MTMR8: variants seen among roughly 807,000 people sequenced by gnomAD.
The protein encoded by MTMR8 is myotubularin related protein 8.
Under a neutral mutation model 39.3 loss-of-function variants are expected in MTMR8, and 65 were observed. The ratio of observed to expected loss-of-function variants is 1.65; its 90% confidence interval spans 1.35 to 2.03. The LOEUF (loss-of-function observed/expected upper bound fraction) is 2.03. MTMR8 is among the 30% of genes most tolerant of loss of function. MTMR8 has a pLI of 0.00. For synonymous variants in MTMR8, 245 were observed against 185.2 expected (o/e 1.32, Z -2.62); for missense variants, 777 against 538.9 (o/e 1.44, Z -4.37).
chrX:64,367,300 C>CA (rs1285551572), intron 1 of MTMR8, among the ~76,000 whole-genome samples: 2 of 111,449 alleles, frequency 1.8e-5, no homozygotes, highest in African/African-American at 6.5e-5. Flanking sequence ...GGCAGAGACA[C>CA]AACAAAAAAA....
At chrX:64,362,471 G>GAAAAAAAA (rs760545171) in intron 1 of MTMR8, among the ~76,000 whole-genome samples, 1 of 5,501 alleles carries the variant, frequency 1.8e-4, no homozygotes, top group Non-Finnish European at 3.6e-4. Flanking sequence ...TACTATTGCA[G>GAAAAAAAA]AAAAAAAAAA....
chrX:64,340,828 A>G (rs1345102466), intron 8 of MTMR8, among the ~76,000 whole-genome samples: 1 of 111,810 alleles, frequency 8.9e-6, no homozygotes, highest in Non-Finnish European at 1.9e-5. Context: ...ACATGATACA[A>G]AATCTATCAC....
chrX:64,321,725 C>T (rs1053532463), intron 12 of MTMR8, among the ~76,000 whole-genome samples: 1 of 111,846 alleles, frequency 8.9e-6, no homozygotes, highest in Non-Finnish European at 1.9e-5. Context: ...TACATATCTA[C>T]AAAGCTCAAT....
intron 1 of MTMR8, among the ~76,000 whole-genome samples, chrX:64,389,730 G>A (rs1924647437): frequency 8.9e-6 from 1 of 111,770 alleles, no homozygotes; most frequent in Non-Finnish European, 1.9e-5. Context: ...CTGATGGAGA[G>A]AGGAAAAAAC....
intron 6 of MTMR8, among the ~76,000 whole-genome samples, chrX:64,348,071 G>A (rs5964355): frequency 9.0e-6 from 1 of 110,945 alleles, no homozygotes; most frequent in Non-Finnish European, 1.9e-5. Flanking sequence ...TCTCTGGGAC[G>A]AAGATTTAAA....
rs779859844 is a variant in MTMR8 at position 64,302,326 on chromosome X, T to A, written c.1481+26446A>T. On this transcript the variant is annotated intron_variant, in intron 12 of 13. Coordinates refer to ENST00000374852, the MANE Select transcript of MTMR8 (RefSeq NM_017677.4). ...AATATTCGGGTTGGAGTGACCCAAT[T>A]TTCCAGGTGCGTCTGTCACCCCTTT... 7.1e-5 allele frequency among the ~76,000 whole-genome samples: 8 copies of A among 112,254 alleles called. No homozygotes were observed. In the South Asian group the frequency reaches 2.2e-3, roughly 31 times the overall value.
chrX:64,376,535 T>G (rs1001948174), intron 1 of MTMR8, among the ~76,000 whole-genome samples: 1 of 112,015 alleles, frequency 8.9e-6, no homozygotes, highest in African/African-American at 3.3e-5. Flanking sequence ...ATTGAGGGTA[T>G]GTGGCGGAAT....
intron 12 of MTMR8, among the ~76,000 whole-genome samples, chrX:64,308,402 C>A (rs2147207812): frequency 9.8e-6 from 1 of 102,466 alleles, no homozygotes; most frequent in East Asian, 3.0e-4. Flanking sequence ...ATCTCCTGAC[C>A]TCGTGATCCA....
intron 12 of MTMR8, among the ~76,000 whole-genome samples, chrX:64,320,215 T>C (rs538063274): frequency 9.0e-6 from 1 of 111,375 alleles, no homozygotes; most frequent in South Asian, 3.8e-4. Flanking sequence ...TATCTGCTAT[T>C]GGTGTACAAG....
intron 12 of MTMR8, among the ~76,000 whole-genome samples, chrX:64,283,937 G>A (rs146564004): frequency 2.2e-4 from 25 of 112,466 alleles, no homozygotes; most frequent in Middle Eastern, 4.6e-3. Flanking sequence ...CCAAAGGAAC[G>A]CAGCTCCTCA....
At chrX:64,271,531 T>C (rs1931760115) in intron 12 of MTMR8, among the ~76,000 whole-genome samples, 1 of 111,731 alleles carries the variant, frequency 9.0e-6, no homozygotes, top group Non-Finnish European at 1.9e-5. Flanking sequence ...TGGATAAGTA[T>C]GAAACCAACC....
intron 6 of MTMR8, among the ~76,000 whole-genome samples, chrX:64,345,601 G>A (rs1047285968): frequency 9.0e-6 from 1 of 111,355 alleles, no homozygotes; most frequent in African/African-American, 3.3e-5. Flanking sequence ...AGAACTTCAG[G>A]ATGAATTAAT....
At chrX:64,344,723 T>C in intron 7 of MTMR8, among the ~76,000 whole-genome samples, 1 of 111,730 alleles carries the variant, frequency 9.0e-6, no homozygotes, top group Non-Finnish European at 1.9e-5. Flanking sequence ...GAATCCCAAA[T>C]TTATTTAATA....
At chrX:64,366,859 C>A (rs1923977368) in intron 1 of MTMR8, among the ~76,000 whole-genome samples, 1 of 111,118 alleles carries the variant, frequency 9.0e-6, no homozygotes, top group Non-Finnish European at 1.9e-5. Flanking sequence ...AGACCACTAG[C>A]AAGACTAATA....
intron 12 of MTMR8, among the ~76,000 whole-genome samples, chrX:64,281,098 A>G (rs1184786804): frequency 8.9e-6 from 1 of 111,973 alleles, no homozygotes; most frequent in Non-Finnish European, 1.9e-5. Flanking sequence ...AGGAAGAATC[A>G]GTATCACGAA....
chrX:64,273,040 A>T (rs1931794642), intron 12 of MTMR8, among the ~76,000 whole-genome samples: 1 of 111,722 alleles, frequency 9.0e-6, no homozygotes, highest in South Asian at 3.7e-4. Flanking sequence ...ATCTAAAGGG[A>T]AGTCTTCTCC....
At chrX:64,329,246 A>G (rs1922881422) in intron 11 of MTMR8, among the ~76,000 whole-genome samples, 1 of 111,468 alleles carries the variant, frequency 9.0e-6, no homozygotes, top group Non-Finnish European at 1.9e-5. Context: ...TGTGACCTCT[A>G]AGTTATCTTC....
chrX:64,346,693 C>T (rs1446328596), intron 6 of MTMR8, among the ~76,000 whole-genome samples: 2 of 110,223 alleles, frequency 1.8e-5, no homozygotes, highest in East Asian at 2.9e-4. Flanking sequence ...GTTCAGGTGG[C>T]AAACTGAGAG....
Position 64,359,474 on chromosome X carries a change from C to T in MTMR8, c.78G>A (p.Gly26=). Residue 26 remains glycine (G), a synonymous_variant, in exon 2 of 14, where the codon GGG becomes GGA. Coordinates refer to ENST00000374852, the MANE Select transcript of MTMR8 (RefSeq NM_017677.4). The part of the protein sequence containing the change: ...DRYVSKKPAN[G]ILYLTATHLI... Reference sequence around the variant, plus strand: ...GGTGGGTTGCAGTAAGATAAAGAATCCCATTAGCTGGTTTCTTACTCACAT... The same window carrying T: ...GGTGGGTTGCAGTAAGATAAAGAATTCCATTAGCTGGTTTCTTACTCACAT... 1 of 1,208,426 alleles carries T rather than the reference C, an allele frequency of 8.3e-7. No individual in the cohort carries two copies.
Sources: gnomAD v4.1 joint callset for allele counts (sites outside exome capture counted in the v4.1 genomes callset) on GRCh38, gnomAD v4.1.1 for gene constraint, MANE v1.5 for transcripts, NCBI Gene and HGNC (gene_info 2026-07-23, HGNC 2026-07-21) for gene names.